Variants in FIP1L1 observed in about 807,000 individuals in gnomAD.
FIP1L1 encodes the protein factor interacting with PAPOLA and CPSF1.
FIP1L1 carries 21 observed loss-of-function variants against 84.6 expected under a neutral mutation model. The observed-to-expected ratio is 0.25, with a 90% CI of 0.18 to 0.36. The LOEUF (loss-of-function observed/expected upper bound fraction) is 0.36, where lower values mean the gene tolerates loss of function less well. Ranked by LOEUF, FIP1L1 falls within the 10% of genes least tolerant of loss-of-function variation. FIP1L1 has a pLI of 1.00. For missense variants in FIP1L1, 526 were observed against 751.1 expected (o/e 0.70, Z 3.50); for synonymous variants, 263 against 242.3 (o/e 1.09, Z -0.80).
At chr4:53,423,361 G>T (rs1028040899) in intron 11 of FIP1L1, among the ~76,000 whole-genome samples, 17 of 152,038 alleles carry the variant, frequency 1.1e-4, no homozygotes, top group African/African-American at 3.9e-4. Flanking sequence ...AAGTTTGTTG[G>T]CCTAATCAAA....
rs765099893 is a variant in FIP1L1 at position 53,377,664 on chromosome 4, C to G, written c.-175C>G. 2 of 585,890 alleles carry G rather than the reference C, an allele frequency of 3.4e-6. No homozygotes were observed. Among genetic ancestry groups the G allele is most frequent in the South Asian group, 4.7e-5 (2 of 42,294 alleles). 36.3% of individuals were successfully genotyped at this position (585,890 alleles called of 1,614,324 possible). ...CTGCGCATGCGCAGACGGACCTGCG[C>G]TGGAGGCTTCATCTTTGCCGCCGCT... On this transcript the variant is annotated 5_prime_UTR_variant, in exon 1 of 18. Transcript: ENST00000337488.
At chr4:53,449,317 G>C (rs1299325430) in intron 15 of FIP1L1, among the ~76,000 whole-genome samples, 3 of 151,832 alleles carry the variant, frequency 2.0e-5, no homozygotes, top group Non-Finnish European at 2.9e-5. Flanking sequence ...TTTTCCAAGG[G>C]CTTATAAAAC....
intron 9 of FIP1L1, among the ~76,000 whole-genome samples, chr4:53,393,153 GAT>G (rs1013102144): frequency 5.9e-5 from 9 of 152,146 alleles, no homozygotes; most frequent in Admixed American, 2.6e-4. Flanking sequence ...TGAAGTGGCA[GAT>G]CTGGTATTTA....
rs2149382340 is a variant in FIP1L1, at chr4:53,391,017, CT to C, written c.517del (p.Ser173LeufsTer32). On this transcript the variant is annotated frameshift_variant, in exon 8 of 18. Coordinates refer to ENST00000337488, the MANE Select transcript of FIP1L1 (RefSeq NM_030917.4). LOFTEE classifies it high-confidence loss of function. ...TTGTGTTTTATCTTTAGGTGCTGAT[CT>C]TTCTGATTATTTTAATTATGGGTTT... is the stretch of plus-strand genomic sequence containing the variant. ...DKPWRKPGAD[L>X]SDYFNYGFNE... 1 of 1,597,296 alleles carries C rather than the reference CT, an allele frequency of 6.3e-7. No homozygotes were observed. The highest frequency in any genetic ancestry group is 8.5e-7 in the Non-Finnish European group (1 of 1,174,196).
chr4:53,377,858 A>G lies in FIP1L1; in HGVS notation c.20A>G (p.Glu7Gly). The G allele has an allele frequency of 6.3e-7, 1 of 1,594,776 alleles. No homozygotes were observed. Among genetic ancestry groups the G allele is most frequent in the Non-Finnish European group, 8.5e-7 (1 of 1,170,720 alleles). Residue 7 changes from glutamate (E) to glycine (G), a missense_variant, in exon 1 of 18, where the codon GAG becomes GGG. This residue lies in a region of FIP1L1 where 100 missense variants were observed against 107.2 expected (regional missense o/e 0.93). Coordinates refer to ENST00000337488, the MANE Select transcript of FIP1L1 (RefSeq NM_030917.4). ...GCGGCCATGTCGGCCGGCGAGGTCG[A>G]GCGCCTAGTGTCGGAGCTGAGCGGC... MSAGEVERLVSELSGGT... is the reference protein window; with the variant it reads MSAGEVGRLVSELSGGT...
chr4:53,403,371 A>G (rs1751296831), intron 10 of FIP1L1, among the ~76,000 whole-genome samples: 1 of 152,154 alleles, frequency 6.6e-6, no homozygotes, highest in South Asian at 2.1e-4. Flanking sequence ...ATTATATTAG[A>G]TTGTTTTTAG....
rs1351389581 is a variant in FIP1L1 at position 53,420,499 on chromosome 4, T to C, written c.924-5373T>C. Among the ~76,000 whole-genome samples, 5 of 151,700 alleles carry C rather than the reference T, an allele frequency of 3.3e-5. No individual in the cohort carries two copies. The East Asian group carries it at 9.7e-4, about 29-fold the overall frequency. On this transcript the variant is annotated intron_variant, in intron 11 of 17. Coordinates refer to ENST00000337488, the MANE Select transcript of FIP1L1 (RefSeq NM_030917.4). ...CGGATCTCCTCTTTCATCATGGGCT[T>C]TATCAGTCTCTTTAAATGTAGTACT...
At chr4:53,444,730 C>T (rs550910417) in intron 15 of FIP1L1, among the ~76,000 whole-genome samples, 3 of 152,144 alleles carry the variant, frequency 2.0e-5, no homozygotes, top group African/African-American at 2.4e-5. Context: ...TACAGGCGTG[C>T]ATCACCATGC....
intron 11 of FIP1L1, among the ~76,000 whole-genome samples, chr4:53,419,434 A>T (rs1432038609): frequency 6.6e-6 from 1 of 152,012 alleles, no homozygotes; most frequent in Non-Finnish European, 1.5e-5. Context: ...AACTAATTGG[A>T]TATGTACTTT....
At chr4:53,448,173 A>G (rs1775001904) in intron 15 of FIP1L1, among the ~76,000 whole-genome samples, 1 of 152,108 alleles carries the variant, frequency 6.6e-6, no homozygotes, top group South Asian at 2.1e-4. Flanking sequence ...TCATTTGGCC[A>G]TCTGAAATTA....
At chr4:53,383,672 AAAG>A in intron 4 of FIP1L1, 98 bp from the exon 5 acceptor site, 1 of 1,202,732 alleles carries the variant, frequency 8.3e-7, no homozygotes, top group Non-Finnish European at 1.1e-6. Flanking sequence ...AAGACAGAAG[AAAG>A]AAAAAAAAAA....
At chr4:53,445,282 A>T (rs1773708854) in intron 15 of FIP1L1, among the ~76,000 whole-genome samples, 2 of 152,162 alleles carry the variant, frequency 1.3e-5, no homozygotes, top group Admixed American at 6.5e-5. Flanking sequence ...TTTTGAATTT[A>T]TAGGGTGAGT....
chr4:53,444,680 A>G (rs1030872962), intron 15 of FIP1L1, among the ~76,000 whole-genome samples: 10 of 151,874 alleles, frequency 6.6e-5, no homozygotes, highest in African/African-American at 1.2e-4. Context: ...CTGTAGCTTC[A>G]ACCTCCTGAA....
chr4:53,412,226 C>G (rs1336570602), intron 10 of FIP1L1, among the ~76,000 whole-genome samples: 6 of 152,082 alleles, frequency 3.9e-5, no homozygotes, highest in Non-Finnish European at 5.9e-5. Context: ...TGCCCCTTTA[C>G]CCTTAAGTAC....
At chr4:53,415,982 T>A (rs1759324418) in intron 11 of FIP1L1, among the ~76,000 whole-genome samples, 1 of 152,336 alleles carries the variant, frequency 6.6e-6, no homozygotes, top group African/African-American at 2.4e-5. Context: ...ATCTATGTAT[T>A]ATATAATATT....
chr4:53,392,159 T>C (rs1467219294), intron 9 of FIP1L1, among the ~76,000 whole-genome samples: 1 of 152,276 alleles, frequency 6.6e-6, no homozygotes, highest in Non-Finnish European at 1.5e-5. Context: ...TAATACTATA[T>C]TGTCATAGTT....
intron 10 of FIP1L1, among the ~76,000 whole-genome samples, chr4:53,404,721 C>T (rs1201949037): frequency 3.3e-5 from 5 of 151,732 alleles, no homozygotes; most frequent in Non-Finnish European, 5.9e-5. Context: ...GTGTGAGATG[C>T]TATCTCATTG....
At chr4:53,449,096 T>C (rs1263876743) in intron 15 of FIP1L1, among the ~76,000 whole-genome samples, 4 of 152,068 alleles carry the variant, frequency 2.6e-5, no homozygotes, top group African/African-American at 4.8e-5. Context: ...TGTTTGTCCC[T>C]TTTTTTGTTT....
Position 53,424,938 on chromosome 4 carries a change from G to T in FIP1L1, c.924-934G>T, listed in dbSNP as rs1018495005. 8.7e-4 allele frequency among the ~76,000 whole-genome samples: 133 copies of T among 152,088 alleles called. 1 individual carries two copies. Among genetic ancestry groups the T allele is most frequent in the African/African-American group, 3.0e-3 (126 of 41,424 alleles). The stretch of plus-strand genomic sequence containing the variant: ...AGTTTTTGTGAAGTTTAGATATAAT[G>T]GGTTTGGCATCCAACCTATGGTAGC... On this transcript the variant is annotated intron_variant, in intron 11 of 17. Transcript: ENST00000337488.
Sources: gnomAD v4.1 joint callset for allele counts (sites outside exome capture counted in the v4.1 genomes callset) on GRCh38, gnomAD v4.1.1 for gene constraint, gnomAD v4.1.1 regional missense constraint, MANE v1.5 for transcripts, NCBI Gene and HGNC (gene_info 2026-07-23, HGNC 2026-07-21) for gene names.